The following TRIM37 variants were observed in gnomAD, a reference collection of about 807,000 sequenced individuals.
The protein encoded by TRIM37 is E3 ubiquitin-protein ligase TRIM37.
In TRIM37, 80 loss-of-function variants were observed where a neutral mutation model predicts 129.8. That is an observed-to-expected ratio of 0.62 (90% CI 0.51 to 0.74). The LOEUF (loss-of-function observed/expected upper bound fraction) is 0.74, where lower values mean the gene tolerates loss of function less well. Among genes scored for constraint, TRIM37 ranks in the 30% least tolerant of loss-of-function variants. The pLI is 0.00. For synonymous variants in TRIM37, 389 were observed against 387.1 expected (o/e 1.00, Z -0.06); for missense variants, 1,054 against 1,176.5 (o/e 0.90, Z 1.52).
intron 14 of TRIM37, 78 bp downstream of exon 14, chr17:59,051,136 T>C: frequency 1.1e-6 from 1 of 901,090 alleles, no homozygotes. Context: ...AGCAATAAAA[T>C]ATATAAAATC....
chr17:59,013,043 C>G (rs748218614), intron 21 of TRIM37, among the ~76,000 whole-genome samples: 1 of 152,012 alleles, frequency 6.6e-6, no homozygotes, highest in African/African-American at 2.4e-5. Context: ...TTTCTTACAA[C>G]TGAATGTGAA....
chr17:59,017,116 A>T (rs2036043684), intron 20 of TRIM37, among the ~76,000 whole-genome samples, 180 bp downstream of exon 20: 1 of 152,164 alleles, frequency 6.6e-6, no homozygotes, highest in South Asian at 2.1e-4. Context: ...GTGAGCCAAG[A>T]TCGCACCACT....
In TRIM37 at chr17:59,067,135, T is replaced by C. The variant is rs189305892; in HGVS notation, c.810-2730A>G. 1.8e-3 allele frequency among the ~76,000 whole-genome samples: 280 copies of C among 152,316 alleles called. 3 individuals are homozygous for C. Among genetic ancestry groups the C allele is most frequent in the African/African-American group, 6.4e-3 (267 of 41,580 alleles). Reference sequence around the variant, plus strand: ...GCTCACTGATTTTGCATTCTTTATATGTATATACAAAGCTATTGCTACTGC... The same window carrying C: ...GCTCACTGATTTTGCATTCTTTATACGTATATACAAAGCTATTGCTACTGC... On this transcript the variant is annotated intron_variant, in intron 9 of 23. Coordinates refer to ENST00000262294, the MANE Select transcript of TRIM37 (RefSeq NM_015294.6).
Position 59,047,559 on chromosome 17 carries a change from AACTG to A in TRIM37, c.1667+120_1667+123del, listed in dbSNP as rs534900471. 2.6e-4 allele frequency: 254 copies of A among 986,452 alleles called. 1 individual carries two copies. The African/African-American group carries it at 3.3e-3, about 13-fold the overall frequency. The allele number at this position is 986,452 out of a possible 1,614,324, so 61.1% of individuals were successfully genotyped here. A position where few individuals can be genotyped will look rare whatever the true frequency, so the allele number is the denominator to read the frequency against. On this transcript the variant is annotated intron_variant, in intron 16 of 23. Transcript: ENST00000262294. ...AAGAGCCCAGAGATTAGAGAGAGAAAACTGACTATTGATTCAATCTTTCAAAAAA... is the reference window on the plus strand; with the variant it reads ...AAGAGCCCAGAGATTAGAGAGAGAAAACTATTGATTCAATCTTTCAAAAAA...
intron 7 of TRIM37, among the ~76,000 whole-genome samples, chr17:59,076,735 C>A (rs978266631): frequency 6.6e-6 from 1 of 152,136 alleles, no homozygotes; most frequent in Non-Finnish European, 1.5e-5. Flanking sequence ...TTTTATCAAT[C>A]TGTAGTGTTA....
intron 2 of TRIM37, among the ~76,000 whole-genome samples, chr17:59,103,507 A>T (rs539724378): frequency 7.3e-5 from 11 of 151,416 alleles, no homozygotes; most frequent in African/African-American, 2.7e-4. Flanking sequence ...ATGCCCAGCT[A>T]ATTTTTGTAT....
Position 59,028,733 on chromosome 17 carries a change from A to C in TRIM37, c.1949-10T>G. On this transcript the variant is annotated splice_polypyrimidine_tract_variant and intron_variant, in intron 18 of 23. Coordinates refer to ENST00000262294, the MANE Select transcript of TRIM37 (RefSeq NM_015294.6). ...TTTCGAGAATATGATGCTTCAGAGA[A>C]ATTGACAAGTCATGTTAACATAAAC... The C allele has an allele frequency of 6.2e-7, 1 of 1,614,080 alleles. No homozygotes were observed. Among genetic ancestry groups the C allele is most frequent in the Non-Finnish European group, 8.5e-7 (1 of 1,179,942 alleles).
chr17:58,979,492 T>C (rs1478472839), downstream of TRIM37, among the ~76,000 whole-genome samples: 33 of 152,192 alleles, frequency 2.2e-4, no homozygotes, highest in Admixed American at 2.2e-3. Context: ...TAAACAAGAA[T>C]AGAACAAAAA....
chr17:59,040,769 G>A (rs920129855), intron 17 of TRIM37, among the ~76,000 whole-genome samples: 2 of 152,096 alleles, frequency 1.3e-5, no homozygotes, highest in Admixed American at 6.5e-5. Flanking sequence ...ATGCCAGGCC[G>A]GGCGCGGTGG....
At position 59,015,812 on chromosome 17, in the gene TRIM37, G is replaced by T. The variant is rs368465962; in HGVS notation, c.2387-13C>A. 1 of 1,611,430 alleles carries T rather than the reference G, an allele frequency of 6.2e-7. No homozygotes were observed. The highest frequency in any genetic ancestry group is 1.7e-5 in the Admixed American group (1 of 59,926). On this transcript the variant is annotated splice_polypyrimidine_tract_variant and intron_variant, in intron 20 of 23. Coordinates refer to ENST00000262294, the MANE Select transcript of TRIM37 (RefSeq NM_015294.6). Reference sequence around the variant, plus strand: ...CTTCCTGGGGAGCCTTCAAAAAAAGGAAGATGGAATACAAAAATTAGCTGG... The same window carrying T: ...CTTCCTGGGGAGCCTTCAAAAAAAGTAAGATGGAATACAAAAATTAGCTGG...
chr17:59,007,945 T>TA (rs2034755903), intron 22 of TRIM37, among the ~76,000 whole-genome samples: 1 of 152,146 alleles, frequency 6.6e-6, no homozygotes, highest in Non-Finnish European at 1.5e-5. Flanking sequence ...TCAGCTAAAA[T>TA]AAAGAGTCTT....
intron 2 of TRIM37, among the ~76,000 whole-genome samples, chr17:59,099,993 G>C (rs187510337): frequency 7.8e-4 from 119 of 152,184 alleles, no homozygotes; most frequent in Non-Finnish European, 5.0e-4. Context: ...GGTAGAGACA[G>C]AGTTCTCCAT....
At chr17:59,090,606 T>C (rs2044207840) in intron 3 of TRIM37, among the ~76,000 whole-genome samples, 1 of 152,090 alleles carries the variant, frequency 6.6e-6, no homozygotes, top group African/African-American at 2.4e-5. Flanking sequence ...TTGTTTTTTG[T>C]TTTTATTTTT....
intron 13 of TRIM37, among the ~76,000 whole-genome samples, chr17:59,055,790 G>A (rs1281432615): frequency 1.3e-5 from 2 of 151,908 alleles, no homozygotes; most frequent in South Asian, 2.1e-4. Flanking sequence ...GAGGGTGGGA[G>A]GAGGGAGAGG....
Position 59,077,308 on chromosome 17 carries a change from T to C in TRIM37, c.617-1594A>G, listed in dbSNP as rs540644451. 2.6e-5 allele frequency among the ~76,000 whole-genome samples: 4 copies of C among 151,930 alleles called. No homozygotes were observed. The East Asian group carries it at 5.8e-4, about 22-fold the overall frequency. ...TGGTAGAGATGGGGTTTCACCACAT[T>C]GCCCAGGCTGGGCTTAAGAGATCCA... On this transcript the variant is annotated intron_variant, in intron 7 of 23. Coordinates refer to ENST00000262294, the MANE Select transcript of TRIM37 (RefSeq NM_015294.6).
chr17:59,054,405 G>A (rs780967589), intron 13 of TRIM37, among the ~76,000 whole-genome samples: 1 of 151,946 alleles, frequency 6.6e-6, no homozygotes, highest in Non-Finnish European at 1.5e-5. Flanking sequence ...GGACTCAAGC[G>A]ATTCAACTGC....
the TRIM37 span, among the ~76,000 whole-genome samples, chr17:58,967,757 C>T: frequency 6.7e-6 from 1 of 149,946 alleles, no homozygotes; most frequent in African/African-American, 2.4e-5. Context: ...AAAATGAGTA[C>T]TGCTTTAGTA....
At chr17:58,978,159 TGGAAA>T (rs989197220), downstream of TRIM37, among the ~76,000 whole-genome samples, 2 of 152,160 alleles carry the variant, frequency 1.3e-5, no homozygotes, top group African/African-American at 4.8e-5. Flanking sequence ...TTTAGTGCAA[TGGAAA>T]GGATAGTAAT....
Position 59,104,279 on chromosome 17 carries a change from G to T in TRIM37, c.123+14C>A. The T allele has an allele frequency of 6.2e-7, 1 of 1,606,952 alleles. No homozygotes were observed. The highest frequency in any genetic ancestry group is 1.1e-5 in the South Asian group (1 of 90,894). ...TATATATACTAACTGCATGTAAAAA[G>T]AAATACAACTTACCCTAATACAGCT... On this transcript the variant is annotated intron_variant, in intron 2 of 23. Coordinates refer to ENST00000262294, the MANE Select transcript of TRIM37 (RefSeq NM_015294.6).
Sources: gnomAD v4.1 joint callset for allele counts (sites outside exome capture counted in the v4.1 genomes callset) on GRCh38, gnomAD v4.1.1 for gene constraint, MANE v1.5 for transcripts, NCBI Gene and HGNC (gene_info 2026-07-23, HGNC 2026-07-21) for gene names.